FOCAD: variants seen among roughly 807,000 people sequenced by gnomAD.
FOCAD encodes the protein focadhesin, also known as KIAA1797.
In FOCAD, 198 loss-of-function variants were observed where a neutral mutation model predicts 225.6. That is an observed-to-expected ratio of 0.88 (90% CI 0.78 to 0.99). The LOEUF is 0.99. Ranked by LOEUF, FOCAD falls within the 50% of genes least tolerant of loss-of-function variation. FOCAD has a pLI of 0.00. For missense variants in FOCAD, 2,713 were observed against 2,123.6 expected (o/e 1.28, Z -5.46); for synonymous variants, 897 against 755.0 (o/e 1.19, Z -3.08).
intron 8 of FOCAD, among the ~76,000 whole-genome samples, chr9:20,777,495 C>T (rs1018664533): frequency 6.6e-6 from 1 of 151,702 alleles, no homozygotes; most frequent in Non-Finnish European, 1.5e-5. Flanking sequence ...TTATTAAAAC[C>T]TAATATACAC....
chr9:20,978,865 G>A (rs1840439211), intron 37 of FOCAD, among the ~76,000 whole-genome samples: 1 of 151,556 alleles, frequency 6.6e-6, no homozygotes, highest in Non-Finnish European at 1.5e-5. Flanking sequence ...TTTCCCAGAG[G>A]AGGCAGCAAT....
intron 1 of FOCAD, among the ~76,000 whole-genome samples, chr9:20,704,750 C>T (rs535011116): frequency 9.3e-4 from 141 of 152,284 alleles, no homozygotes; most frequent in Non-Finnish European, 1.6e-3. Flanking sequence ...CACTTTATGA[C>T]ACCCTTTAGT....
chr9:20,841,333 T>G (rs1172381780), intron 15 of FOCAD, among the ~76,000 whole-genome samples: 1 of 151,956 alleles, frequency 6.6e-6, no homozygotes, highest in African/African-American at 2.4e-5. Flanking sequence ...TTAGTTCTTC[T>G]ATAAATGTCT....
chr9:20,699,567 C>G (rs1476109810), intron 1 of FOCAD, among the ~76,000 whole-genome samples: 6 of 150,530 alleles, frequency 4.0e-5, no homozygotes, highest in African/African-American at 1.5e-4. Flanking sequence ...CAGTGAAACC[C>G]TGTCTCTACT....
At chr9:20,883,937 A>C (rs1830889418) in intron 20 of FOCAD, among the ~76,000 whole-genome samples, 1 of 152,196 alleles carries the variant, frequency 6.6e-6, no homozygotes, top group Admixed American at 6.5e-5. Context: ...TAAAAAACAT[A>C]AATAAGCTGG....
chr9:20,659,425 A>AGAAG (rs1400977937), intron 2 of FOCAD, among the ~76,000 whole-genome samples: 1 of 82,558 alleles, frequency 1.2e-5, no homozygotes, highest in Admixed American at 1.2e-4. Flanking sequence ...GAAAGAAAGG[A>AGAAG]GAAAGAAAGA....
intron 21 of FOCAD, among the ~76,000 whole-genome samples, chr9:20,893,396 T>G (rs1831797890): frequency 6.6e-6 from 1 of 152,150 alleles, no homozygotes. Flanking sequence ...GTACTTCCTG[T>G]GTACATATAG....
intron 24 of FOCAD, among the ~76,000 whole-genome samples, chr9:20,918,860 G>T (rs1834109174): frequency 6.6e-6 from 1 of 152,202 alleles, no homozygotes; most frequent in Non-Finnish European, 1.5e-5. Context: ...TAGAGCAGGG[G>T]AAAAAATCAT....
chr9:20,820,171 G>T (rs1194011095), intron 12 of FOCAD, 153 bp from the exon 13 acceptor site: 2 of 574,794 alleles, frequency 3.5e-6, no homozygotes, highest in Admixed American at 3.6e-5. Flanking sequence ...CCCCTCCAAC[G>T]CTATTTTTCA....
intron 11 of FOCAD, 41 bp downstream of exon 11, chr9:20,789,649 T>G: frequency 6.2e-7 from 1 of 1,601,702 alleles, no homozygotes; most frequent in Non-Finnish European, 8.5e-7. Flanking sequence ...AGAGGAAAGC[T>G]TAATCATTGG....
At chr9:20,750,389 T>C (rs28664738) in intron 5 of FOCAD, among the ~76,000 whole-genome samples, 1,778 of 152,304 alleles carry the variant, frequency 0.012, 37 homozygotes, top group African/African-American at 0.041. Context: ...TACCCACTTA[T>C]GTAGTTCTTC....
intron 35 of FOCAD, among the ~76,000 whole-genome samples, chr9:20,961,181 C>T (rs571161592): frequency 6.6e-6 from 1 of 151,818 alleles, no homozygotes; most frequent in Non-Finnish European, 1.5e-5. Context: ...CTCCCCTCCT[C>T]TCCGCTCCCC....
intron 35 of FOCAD, among the ~76,000 whole-genome samples, chr9:20,953,606 G>A (rs1194995546): frequency 3.3e-5 from 5 of 152,192 alleles, no homozygotes; most frequent in Non-Finnish European, 7.3e-5. Flanking sequence ...GACAGAGATT[G>A]AGTGCCTTTT....
intron 1 of FOCAD, among the ~76,000 whole-genome samples, chr9:20,698,056 C>T (rs982488006): frequency 1.3e-5 from 2 of 152,124 alleles, no homozygotes; most frequent in African/African-American, 4.8e-5. Context: ...GGTGAAACCA[C>T]CTCTTTAGAG....
intron 5 of FOCAD, among the ~76,000 whole-genome samples, chr9:20,751,566 A>G (rs1487569618): frequency 8.9e-6 from 1 of 111,746 alleles, no homozygotes; most frequent in African/African-American, 2.9e-5. Flanking sequence ...ATTGTTGGAC[A>G]TTTGGGTTGG....
chr9:20,936,294 T>C (rs952982368), intron 28 of FOCAD, among the ~76,000 whole-genome samples: 1 of 152,230 alleles, frequency 6.6e-6, no homozygotes, highest in African/African-American at 2.4e-5. Flanking sequence ...TAGGAACTTA[T>C]GATTTACAGC....
intron 27 of FOCAD, among the ~76,000 whole-genome samples, chr9:20,932,773 T>A (rs1435429616): frequency 6.6e-6 from 1 of 152,158 alleles, no homozygotes; most frequent in Non-Finnish European, 1.5e-5. Context: ...AATAGGAGAT[T>A]TTGTGTTTAT....
chr9:20,842,167 C>T (rs893664324), intron 15 of FOCAD, among the ~76,000 whole-genome samples: 3 of 151,398 alleles, frequency 2.0e-5, no homozygotes, highest in Admixed American at 2.0e-4. Context: ...GTGGCCTAAC[C>T]TTTGGTCTAT....
chr9:20,995,723 G>C lies in FOCAD; in HGVS notation c.*94G>C. 1 of 1,116,198 alleles carries C rather than the reference G, an allele frequency of 9.0e-7. No homozygotes were observed. Among genetic ancestry groups the C allele is most frequent in the Non-Finnish European group, 1.3e-6 (1 of 744,484 alleles). 69.1% of individuals were successfully genotyped at this position (1,116,198 alleles called of 1,614,324 possible). ...CAGAATTCATGCCTGGTATTGCTGA[G>C]ACATGATGCAGAGAGTTAAGGGTCA... On this transcript the variant is annotated 3_prime_UTR_variant, in exon 44 of 44. Coordinates refer to ENST00000338382, the MANE Select transcript of FOCAD (RefSeq NM_001375567.1).
Sources: gnomAD v4.1 joint callset for allele counts (sites outside exome capture counted in the v4.1 genomes callset) on GRCh38, gnomAD v4.1.1 for gene constraint, MANE v1.5 for transcripts, NCBI Gene and HGNC (gene_info 2026-07-23, HGNC 2026-07-21) for gene names.